ATR: variants seen among roughly 807,000 people sequenced by gnomAD.
ATR encodes serine/threonine-protein kinase ATR.
Under a neutral mutation model 305.3 loss-of-function variants are expected in ATR, and 142 were observed. The observed-to-expected ratio is 0.47, with a 90% CI of 0.41 to 0.53. The LOEUF (loss-of-function observed/expected upper bound fraction) is 0.53. ATR is among the 20% of genes least tolerant of loss of function. The pLI, the probability that ATR is intolerant of heterozygous loss-of-function variation, is 0.00. For synonymous variants in ATR, 1,050 were observed against 1,068.1 expected, an observed-to-expected ratio of 0.98 and a Z score of 0.33; for missense variants, 2,135 against 3,133.1, an observed-to-expected ratio of 0.68 and a Z score of 7.60.
Position 142,467,993 on chromosome 3 carries a change from T to G in ATR, c.6628A>C (p.Lys2210Gln). The G allele has an allele frequency of 6.2e-7, 1 of 1,613,134 alleles. No individual in the cohort carries two copies. The highest frequency in any genetic ancestry group is 2.2e-5 in the East Asian group (1 of 44,728). ...KAIHMKKSLE[K>Q]FVGDATRLTD... ...AGGCGAGTTGCATCTCCAACAAACT[T>G]CTCTAAGGATTTTTTCATATGAATA... Residue 2210 changes from lysine to glutamine, a missense_variant, in exon 39 of 47, where the codon AAG (lysine) becomes CAG (glutamine). This residue lies in a region of ATR where 462 missense variants were observed against 887.6 expected (regional missense o/e 0.52). Transcript: ENST00000350721.
intron 36 of ATR, among the ~76,000 whole-genome samples, chr3:142,477,026 C>T (rs1419038303): frequency 2.0e-5 from 3 of 152,176 alleles, no homozygotes; most frequent in African/African-American, 7.2e-5. Flanking sequence ...GATATACAAT[C>T]ATGTCGTCTG....
At chr3:142,489,904 C>T (rs1377210955) in intron 35 of ATR, among the ~76,000 whole-genome samples, 1 of 152,176 alleles carries the variant, frequency 6.6e-6, no homozygotes, top group African/African-American at 2.4e-5. Context: ...GCTAGTCTTT[C>T]AGACTTTAGC....
Position 142,538,504 on chromosome 3 carries a change from G to A in ATR, c.3703C>T (p.His1235Tyr). ...TACCTGTTTTCAATTATGAGGTAGT[G>A]GAAGATAGCTGCAGTTTCTTTAGGC... ...IQPKETAAIF[H>Y]YLIIENRDAV... The change falls in exon 19 of 47, where the codon CAC becomes TAC. Residue 1235 changes from histidine (H) to tyrosine (Y), a missense_variant. Physicochemically the swap from His to Tyr is moderately conservative, Grantham distance 83. Coordinates refer to ENST00000350721, the MANE Select transcript of ATR (RefSeq NM_001184.4). 2.5e-6 allele frequency: 4 copies of A among 1,612,870 alleles called. No individual in the cohort carries two copies. The highest frequency in any genetic ancestry group is 2.2e-5 in the East Asian group (1 of 44,830).
chr3:142,529,255 G>A (rs1220849975), intron 21 of ATR, among the ~76,000 whole-genome samples: 1 of 151,668 alleles, frequency 6.6e-6, no homozygotes, highest in Non-Finnish European at 1.5e-5. Flanking sequence ...TAAAAATTAA[G>A]GTAATTTTTT....
rs764959741 is a variant in ATR, at chr3:142,547,710, G to C, written c.3357+15C>G. 1.9e-6 allele frequency: 3 copies of C among 1,610,454 alleles called. No individual in the cohort carries two copies. The highest frequency in any genetic ancestry group is 2.5e-6 in the Non-Finnish European group (3 of 1,177,136). ...GAAAAACAAACAAAAAAACCTCATA[G>C]AACATATTCCTTACCATCAGTTCAG... On this transcript the variant is annotated intron_variant, in intron 16 of 46. Transcript: ENST00000350721.
At position 142,571,643 on chromosome 3, in the gene ATR, GT is replaced by G. The variant is rs149632801; in HGVS notation, c.60-3490del. Among the ~76,000 whole-genome samples the G allele has an allele frequency of 7.7e-3, 1,176 of 152,130 alleles. 18 individuals are homozygous for G. Among genetic ancestry groups the G allele is most frequent in the African/African-American group, 0.027 (1,120 of 41,484 alleles). Reference sequence around the variant, plus strand: ...AAACAACTTAGGGTGTAGTAAGACAGTTACTTATAAATAATAGCATATATTT... The same window carrying G: ...AAACAACTTAGGGTGTAGTAAGACAGTACTTATAAATAATAGCATATATTT... On this transcript the variant is annotated intron_variant, in intron 1 of 46. Coordinates refer to ENST00000350721, the MANE Select transcript of ATR (RefSeq NM_001184.4).
chr3:142,561,113 A>G, intron 5 of ATR, 130 bp downstream of exon 5: 2 of 955,616 alleles, frequency 2.1e-6, no homozygotes, highest in Admixed American at 2.5e-5. Flanking sequence ...TATTTTAAGC[A>G]CTCCCTTGGC....
chr3:142,573,216 C>T (rs1047822933), intron 1 of ATR, among the ~76,000 whole-genome samples: 3 of 151,960 alleles, frequency 2.0e-5, no homozygotes, highest in Admixed American at 1.3e-4. Flanking sequence ...GAGGCTGAGA[C>T]GGACTGATCA....
chr3:142,515,829 CTA>C (rs2108380851), intron 24 of ATR, among the ~76,000 whole-genome samples: 1 of 152,306 alleles, frequency 6.6e-6, no homozygotes, highest in Non-Finnish European at 1.5e-5. Flanking sequence ...TTATGGGTAA[CTA>C]TGCAACACAC....
Position 142,538,431 on chromosome 3 carries a change from A to C in ATR, c.3725+51T>G, listed in dbSNP as rs142734498. The C allele has an allele frequency of 9.0e-3, 14,134 of 1,571,462 alleles. 74 individuals carry two copies. The highest frequency in any genetic ancestry group is 0.01 in the Non-Finnish European group (11,803 of 1,147,034). On this transcript the variant is annotated intron_variant, in intron 19 of 46. Coordinates refer to ENST00000350721, the MANE Select transcript of ATR (RefSeq NM_001184.4). The stretch of plus-strand genomic sequence containing the variant: ...TTACCATCAGTAATTTTGAGACATA[A>C]AAATACAGTTTAAAAAGTTATTATT...
intron 36 of ATR, among the ~76,000 whole-genome samples, chr3:142,478,289 G>A (rs1475483433): frequency 9.9e-5 from 15 of 152,166 alleles, no homozygotes; most frequent in South Asian, 2.1e-4. Context: ...GGTATGTTGC[G>A]TCTTTGTTCT....
In ATR at chr3:142,548,322, C is replaced by A. The variant is rs533933773; in HGVS notation, c.3172-412G>T. ...CAGATATGCTGACTTGGACAAGTTA[C>A]CTAATCTAACCTCACTCTGCCTTAG... On this transcript the variant is annotated intron_variant, in intron 15 of 46. Coordinates refer to ENST00000350721, the MANE Select transcript of ATR (RefSeq NM_001184.4). Among the ~76,000 whole-genome samples, 23 of 152,228 alleles carry A rather than the reference C, an allele frequency of 1.5e-4. No homozygotes were observed. The South Asian group carries it at 4.8e-3, about 32-fold the overall frequency.
At chr3:142,455,916 T>A (rs936309341) in intron 45 of ATR, among the ~76,000 whole-genome samples, 2 of 152,234 alleles carry the variant, frequency 1.3e-5, no homozygotes, top group African/African-American at 4.8e-5. Flanking sequence ...AAAACTTTTA[T>A]GTTTCAAAGG....
intron 39 of ATR, among the ~76,000 whole-genome samples, chr3:142,467,102 G>A (rs2071147914): frequency 6.6e-6 from 1 of 152,066 alleles, no homozygotes; most frequent in Non-Finnish European, 1.5e-5. Flanking sequence ...GATGTTTATT[G>A]ATAAAGGAAA....
rs781738368 is a variant in ATR at position 142,561,349 on chromosome 3, T to A, written c.1243A>T (p.Thr415Ser). Residue 415 changes from threonine to serine, a missense_variant, in exon 5 of 47, where the codon ACT becomes TCT. Coordinates refer to ENST00000350721, the MANE Select transcript of ATR (RefSeq NM_001184.4). ...TTACTGCTGAGGTTTTCCTGTTGAGTTTGGCATTGAATCTCCTCAATGATT... is the reference window on the plus strand; with the variant it reads ...TTACTGCTGAGGTTTTCCTGTTGAGATTGGCATTGAATCTCCTCAATGATT... The part of the protein sequence containing the change: ...MEIIEEIQCQ[T>S]QQENLSSNSD... 1 of 1,613,990 alleles carries A rather than the reference T, an allele frequency of 6.2e-7. No individual in the cohort carries two copies. Among genetic ancestry groups the A allele is most frequent in the African/African-American group, 1.3e-5 (1 of 74,926 alleles).
At chr3:142,469,071 T>C (rs2071195218) in intron 38 of ATR, among the ~76,000 whole-genome samples, 1 of 152,212 alleles carries the variant, frequency 6.6e-6, no homozygotes, top group Admixed American at 6.5e-5. Flanking sequence ...GCATCAAGCA[T>C]TAACTGTTTA....
intron 1 of ATR, among the ~76,000 whole-genome samples, chr3:142,569,308 T>C (rs1469992175): frequency 2.0e-5 from 3 of 152,094 alleles, no homozygotes; most frequent in Admixed American, 6.5e-5. Context: ...TTCTGGGTGT[T>C]TTTTTATTAT....
At position 142,524,011 on chromosome 3, in the gene ATR, T is replaced by C. The variant is rs776692300; in HGVS notation, c.4134A>G (p.Gly1378=). 1.6e-5 allele frequency: 26 copies of C among 1,613,982 alleles called. 1 individual carries two copies. The East Asian group carries it at 2.0e-4, about 12-fold the overall frequency. Residue 1378 remains glycine, a synonymous_variant, in exon 22 of 47, where the codon GGA becomes GGG. Transcript: ENST00000350721. The stretch of plus-strand genomic sequence containing the variant: ...TACTTACCACAAATGTAAAATCTTT[T>C]CCTTGAGTTTCAGTTGTTGAGAAAT... ...RLDFSTTETQ[G]KDFTFVTGVE...
intron 28 of ATR, among the ~76,000 whole-genome samples, chr3:142,507,458 T>G (rs2108360285): frequency 6.6e-6 from 1 of 152,232 alleles, no homozygotes; most frequent in Admixed American, 6.5e-5. Context: ...TTAGCTAAAA[T>G]TCCATTGTGA....
Sources: allele counts gnomAD v4.1 joint callset (sites outside exome capture counted in the v4.1 genomes callset), GRCh38; gene constraint gnomAD v4.1.1; regional missense constraint gnomAD v4.1.1; transcripts MANE v1.5; gene names NCBI Gene and HGNC (gene_info 2026-07-23, HGNC 2026-07-21).